GNG12: variants seen among roughly 807,000 people sequenced by gnomAD.
GNG12 encodes guanine nucleotide-binding protein G(I)/G(S)/G(O) subunit gamma-12.
For missense variants in GNG12, 69 were observed against 83.8 expected (o/e 0.82, Z 0.69); for synonymous variants, 28 against 29.7 (o/e 0.94, Z 0.19).
chr1:67,755,987 G>A (rs1646565740), intron 2 of GNG12, among the ~76,000 whole-genome samples: 1 of 152,058 alleles, frequency 6.6e-6, no homozygotes, highest in South Asian at 2.1e-4. Context: ...ATAAAAGTTT[G>A]AGCAGCAGAG....
At chr1:67,764,630 C>T (rs1646625238) in intron 2 of GNG12, among the ~76,000 whole-genome samples, 2 of 152,136 alleles carry the variant, frequency 1.3e-5, no homozygotes, top group Admixed American at 6.5e-5. Context: ...CCACTTTCAA[C>T]AGTGGAAAGG....
intron 2 of GNG12, among the ~76,000 whole-genome samples, chr1:67,727,161 A>G (rs879860740): frequency 2.6e-5 from 4 of 152,196 alleles, no homozygotes; most frequent in Non-Finnish European, 5.9e-5. Context: ...TAATACAACA[A>G]TATTATGCCT....
At chr1:67,795,176 C>T (rs1000519518) in intron 1 of GNG12, among the ~76,000 whole-genome samples, 2 of 152,172 alleles carry the variant, frequency 1.3e-5, no homozygotes, top group African/African-American at 4.8e-5. Context: ...GATTTGGAAA[C>T]AACAAAAACT....
At chr1:67,786,829 T>C (rs1382002082) in intron 1 of GNG12, among the ~76,000 whole-genome samples, 7 of 151,644 alleles carry the variant, frequency 4.6e-5, no homozygotes. Context: ...CCCAGCTACT[T>C]GGGAGGCTGA....
At chr1:67,740,378 A>G (rs1366304545) in intron 2 of GNG12, among the ~76,000 whole-genome samples, 1 of 152,224 alleles carries the variant, frequency 6.6e-6, no homozygotes, top group African/African-American at 2.4e-5. Flanking sequence ...CAGTTGGCTG[A>G]TGATTTTTGT....
intron 2 of GNG12, among the ~76,000 whole-genome samples, chr1:67,746,819 A>C (rs932718441): frequency 1.3e-5 from 2 of 152,206 alleles, no homozygotes; most frequent in Admixed American, 1.3e-4. Context: ...GAGTCTAAGG[A>C]AAGGTGAAAA....
intron 1 of GNG12, among the ~76,000 whole-genome samples, chr1:67,815,641 A>C (rs555818316): frequency 6.6e-6 from 1 of 152,238 alleles, no homozygotes; most frequent in Non-Finnish European, 1.5e-5. Context: ...ATAATTTGTA[A>C]GTAGGAAGAG....
At chr1:67,745,189 T>C (rs1646501471) in intron 2 of GNG12, among the ~76,000 whole-genome samples, 1 of 152,184 alleles carries the variant, frequency 6.6e-6, no homozygotes, top group Admixed American at 6.5e-5. Context: ...AGACGACAAA[T>C]AAACCAGGGT....
chr1:67,794,557 T>C (rs1206412544), intron 1 of GNG12, among the ~76,000 whole-genome samples: 2 of 152,206 alleles, frequency 1.3e-5, no homozygotes, highest in Non-Finnish European at 2.9e-5. Flanking sequence ...AGGTCTTTCA[T>C]GGCAAACAGC....
chr1:67,742,945 A>G (rs1165627526), intron 2 of GNG12, among the ~76,000 whole-genome samples: 1 of 152,188 alleles, frequency 6.6e-6, no homozygotes, highest in Non-Finnish European at 1.5e-5. Context: ...AAAACACTAA[A>G]CATCTGATAC....
In GNG12 at chr1:67,766,106, G is replaced by GCACACACACACACACA. The variant is rs59348663; in HGVS notation, c.-27+11336_-27+11351dup. 8.1e-4 allele frequency among the ~76,000 whole-genome samples: 113 copies of GCACACACACACACACA among 139,916 alleles called. 2 individuals are homozygous for GCACACACACACACACA. Among genetic ancestry groups the GCACACACACACACACA allele is most frequent in the African/African-American group, 1.9e-3 (69 of 36,844 alleles). The allele number at this position is 139,916 out of a possible 152,430, so 91.8% of individuals were successfully genotyped here. On this transcript the variant is annotated intron_variant, in intron 2 of 3. Transcript: ENST00000370982. The stretch of plus-strand genomic sequence containing the variant: ...AACTCAAACAAAACAAGGCACACAC[G>GCACACACACACACACA]CACACACACACACACACACACACAC...
intron 1 of GNG12, among the ~76,000 whole-genome samples, chr1:67,789,198 G>A (rs959373854): frequency 2.6e-5 from 4 of 152,106 alleles, no homozygotes; most frequent in Admixed American, 6.6e-5. Context: ...ATTAAGTCCC[G>A]ATTCAAAAGG....
intron 1 of GNG12, among the ~76,000 whole-genome samples, chr1:67,784,314 T>G (rs1475471970): frequency 4.9e-5 from 5 of 101,196 alleles, no homozygotes; most frequent in African/African-American, 2.0e-4. Flanking sequence ...TGGGGACTGT[T>G]GTGGGGTGGG....
At chr1:67,747,536 T>C (rs998459793) in intron 2 of GNG12, among the ~76,000 whole-genome samples, 2 of 152,242 alleles carry the variant, frequency 1.3e-5, no homozygotes, top group Non-Finnish European at 1.5e-5. Context: ...CAGAAAGGTG[T>C]GCTATTACAG....
intron 2 of GNG12, among the ~76,000 whole-genome samples, chr1:67,739,430 G>C (rs1646470602): frequency 6.6e-6 from 1 of 152,162 alleles, no homozygotes; most frequent in East Asian, 1.9e-4. Context: ...TAAGTTTATT[G>C]AACGCCTACT....
chr1:67,783,571 C>T (rs959253712), intron 1 of GNG12, among the ~76,000 whole-genome samples: 1 of 152,104 alleles, frequency 6.6e-6, no homozygotes, highest in African/African-American at 2.4e-5. Context: ...ACCTACTCAT[C>T]TGACAAAGGG....
chr1:67,758,301 C>T (rs1646581924), intron 2 of GNG12, among the ~76,000 whole-genome samples: 1 of 152,230 alleles, frequency 6.6e-6, no homozygotes, highest in East Asian at 1.9e-4. Context: ...ATTGCAGCAA[C>T]ACATTAGAAT....
At chr1:67,790,969 T>C (rs1192050314) in intron 1 of GNG12, among the ~76,000 whole-genome samples, 1 of 152,196 alleles carries the variant, frequency 6.6e-6, no homozygotes, top group South Asian at 2.1e-4. Flanking sequence ...ATTTCTTTAC[T>C]TGAAGCGCCC....
chr1:67,808,072 T>A (rs945483063), intron 1 of GNG12, among the ~76,000 whole-genome samples: 2 of 151,982 alleles, frequency 1.3e-5, no homozygotes, highest in Non-Finnish European at 2.9e-5. Context: ...ATTAACAAAC[T>A]GAATCCAACA....
Sources: allele counts gnomAD v4.1 joint callset (sites outside exome capture counted in the v4.1 genomes callset), GRCh38; gene constraint gnomAD v4.1.1; transcripts MANE v1.5; gene names NCBI Gene and HGNC (gene_info 2026-07-23, HGNC 2026-07-21).